PCDHA4: variants seen among roughly 807,000 people sequenced by gnomAD.
The protein encoded by PCDHA4 is protocadherin alpha-4.
A neutral mutation model predicts 61.4 loss-of-function variants in PCDHA4; 49 were observed. The observed-to-expected ratio is 0.80, with a 90% confidence interval of 0.63 to 1.01. The LOEUF (loss-of-function observed/expected upper bound fraction) is 1.01. Among genes scored for constraint, PCDHA4 ranks in the 50% least tolerant of loss-of-function variants. PCDHA4 has a pLI of 0.00. For missense variants in PCDHA4, 1,254 were observed against 1,235.8 expected (o/e 1.01, Z -0.22); for synonymous variants, 590 against 550.3 (o/e 1.07, Z -1.01).
At chr5:140,972,749 C>T (rs6899060) in intron 1 of PCDHA4, among the ~76,000 whole-genome samples, 3,772 of 151,356 alleles carry the variant, frequency 0.025, 151 homozygotes, top group African/African-American at 0.085. Flanking sequence ...CTGCAACCTC[C>T]GCCTCCCAAG....
chr5:140,940,413 A>G (rs2092607327), intron 1 of PCDHA4, among the ~76,000 whole-genome samples: 1 of 152,166 alleles, frequency 6.6e-6, no homozygotes, highest in East Asian at 1.9e-4. Context: ...TTTAAAAATT[A>G]TAATTATTAC....
chr5:140,836,457 G>A (rs2150261358), intron 1 of PCDHA4: 82,082 of 1,613,792 alleles, frequency 0.051, 3,121 homozygotes, highest in Middle Eastern at 0.086. Context: ...CCCAGAGACC[G>A]AGCTGGTGGA....
chr5:140,869,244 C>A (rs782454826), intron 1 of PCDHA4: 1 of 1,613,658 alleles, frequency 6.2e-7, no homozygotes. Flanking sequence ...TCGTGGGCCG[C>A]ATCGCGCAGG....
At chr5:140,823,895 C>T (rs1767916685) in intron 1 of PCDHA4, 4 of 1,613,856 alleles carry the variant, frequency 2.5e-6, no homozygotes, top group Non-Finnish European at 3.4e-6. Flanking sequence ...TGTGCGGTGT[C>T]CAGCCTGCTG....
chr5:140,980,313 C>G (rs904282752), intron 2 of PCDHA4, among the ~76,000 whole-genome samples: 7 of 152,166 alleles, frequency 4.6e-5, no homozygotes, highest in Admixed American at 3.9e-4. Context: ...GCCTTAAAAA[C>G]TACATTTGAA....
intron 1 of PCDHA4, among the ~76,000 whole-genome samples, chr5:140,879,906 T>C (rs993531346): frequency 6.6e-6 from 1 of 152,214 alleles, no homozygotes; most frequent in Admixed American, 6.5e-5. Context: ...TCTCTCTCTA[T>C]GTGTTGGTTT....
rs2042039547 is a variant in PCDHA4 at position 140,851,365 on chromosome 5, CT to C, written c.2385+41794del. The C allele has an allele frequency of 3.1e-6, 3 of 976,302 alleles. 1 individual carries two copies. Among genetic ancestry groups the C allele is most frequent in the Non-Finnish European group, 3.7e-6 (3 of 804,962 alleles). The allele number at this position is 976,302 out of a possible 1,614,324, so 60.5% of individuals were successfully genotyped here. On this transcript the variant is annotated intron_variant, in intron 1 of 3. Transcript: ENST00000530339. Reference sequence around the variant, plus strand: ...TTCTCTGGATGGAGACTGTGAACATCTGATTGTTCAGCAACCTTCAGTATCT... The same window carrying C: ...TTCTCTGGATGGAGACTGTGAACATCGATTGTTCAGCAACCTTCAGTATCT...
chr5:140,910,546 A>G (rs2075078968), intron 1 of PCDHA4, among the ~76,000 whole-genome samples: 1 of 152,198 alleles, frequency 6.6e-6, no homozygotes, highest in Non-Finnish European at 1.5e-5. Context: ...CTATTTTGCA[A>G]AGTATTAGTC....
intron 1 of PCDHA4, among the ~76,000 whole-genome samples, chr5:140,846,724 A>G (rs1780644299): frequency 6.7e-6 from 1 of 149,338 alleles, no homozygotes; most frequent in Admixed American, 6.7e-5. Context: ...AGTCTTCATT[A>G]AACATTAAAT....
intron 1 of PCDHA4, chr5:140,869,303 C>T (rs1403563775): frequency 6.2e-7 from 1 of 1,613,586 alleles, no homozygotes; most frequent in Non-Finnish European, 8.5e-7. Flanking sequence ...TTCCGGGTGG[C>T]GTCCAAAACA....
At chr5:140,956,666 G>C (rs1232573740) in intron 1 of PCDHA4, among the ~76,000 whole-genome samples, 2 of 152,088 alleles carry the variant, frequency 1.3e-5, no homozygotes, top group African/African-American at 4.8e-5. Context: ...GGCCTTAAAG[G>C]AGTTAGGGAG....
intron 1 of PCDHA4, among the ~76,000 whole-genome samples, chr5:140,972,283 A>C (rs2096528536): frequency 2.7e-5 from 4 of 149,876 alleles, no homozygotes; most frequent in Admixed American, 2.7e-4. Flanking sequence ...TGGACCATAG[A>C]TGTGCGCCAC....
intron 1 of PCDHA4, chr5:140,884,345 C>A (rs782318945): frequency 1.2e-6 from 2 of 1,613,916 alleles, no homozygotes; most frequent in African/African-American, 2.7e-5. Flanking sequence ...AGAAGCGGCG[C>A]TGGTGGATGT....
chr5:140,828,828 A>G (rs2150159417), intron 1 of PCDHA4: 3 of 1,614,222 alleles, frequency 1.9e-6, no homozygotes, highest in Non-Finnish European at 1.7e-6. Context: ...GAACAGTCTG[A>G]ATACGAAGTA....
intron 1 of PCDHA4, among the ~76,000 whole-genome samples, chr5:140,910,829 C>G (rs938702955): frequency 6.6e-6 from 1 of 152,184 alleles, no homozygotes; most frequent in Non-Finnish European, 1.5e-5. Flanking sequence ...TAAATTCAGC[C>G]TGATCCAATG....
chr5:140,966,923 G>A (rs781929029), intron 1 of PCDHA4: 36 of 1,602,826 alleles, frequency 2.2e-5, no homozygotes, highest in Non-Finnish European at 3.0e-5. Context: ...AGAGGAGCAG[G>A]CACCCGGCGC....
At chr5:140,875,229 T>C (rs893316010) in intron 1 of PCDHA4, 7 of 838,964 alleles carry the variant, frequency 8.3e-6, no homozygotes, top group Non-Finnish European at 1.2e-5. Flanking sequence ...TCAGGATCTT[T>C]CTTGTACTTA....
intron 3 of PCDHA4, among the ~76,000 whole-genome samples, chr5:141,005,129 C>T (rs1554259896): frequency 6.6e-6 from 1 of 152,180 alleles, no homozygotes; most frequent in African/African-American, 2.4e-5. Context: ...CCAAAAGTGC[C>T]TCATTGGAGA....
rs1219444085 is a variant in PCDHA4 at position 141,010,861 on chromosome 5, A to G, written c.*924A>G. On this transcript the variant is annotated 3_prime_UTR_variant, in exon 4 of 4. Coordinates refer to ENST00000530339, the MANE Select transcript of PCDHA4 (RefSeq NM_018907.4). ...ATTTATTTAAAAAAAGAGAAAGTCTATAGCTATAAATCTTTAAAGAGAAAT... is the reference window on the plus strand; with the variant it reads ...ATTTATTTAAAAAAAGAGAAAGTCTGTAGCTATAAATCTTTAAAGAGAAAT... 9.1e-5 allele frequency: 14 copies of G among 153,794 alleles called. No individual in the cohort carries two copies. Among genetic ancestry groups the G allele is most frequent in the African/African-American group, 3.1e-4 (13 of 41,468 alleles). 9.5% of individuals were successfully genotyped at this position (153,794 alleles called of 1,614,324 possible).
Sources: gnomAD v4.1 joint callset for allele counts (sites outside exome capture counted in the v4.1 genomes callset) on GRCh38, gnomAD v4.1.1 for gene constraint, MANE v1.5 for transcripts, NCBI Gene and HGNC (gene_info 2026-07-23, HGNC 2026-07-21) for gene names.